The following MFSD6 variants were observed in gnomAD, a reference collection of about 807,000 sequenced individuals.
MFSD6 encodes major facilitator superfamily domain-containing protein 6.
A neutral mutation model predicts 56.3 loss-of-function variants in MFSD6; 26 were observed. That is an observed-to-expected ratio of 0.46 (90% CI 0.34 to 0.64). The LOEUF (loss-of-function observed/expected upper bound fraction) is 0.64, where lower values mean the gene tolerates loss of function less well. Ranked by LOEUF, MFSD6 falls within the 30% of genes least tolerant of loss-of-function variation. MFSD6 has a pLI of 0.01. For missense variants in MFSD6, 750 were observed against 986.2 expected (o/e 0.76, Z 3.21); for synonymous variants, 331 against 366.9 (o/e 0.90, Z 1.12).
chr2:190,471,994 C>G lies in MFSD6; in HGVS notation c.1630+2139C>G, dbSNP rs990394296. On this transcript the variant is annotated intron_variant, in intron 4 of 7. Coordinates refer to ENST00000392328, the MANE Select transcript of MFSD6 (RefSeq NM_017694.4). The surrounding 1 kb of genome is among the most constrained non-coding windows in gnomAD (Gnocchi z 4.7). ...CAGGCAAACAGGGTCTGGAGTGGAC[C>G]TCCAGCAAACTCCAACAGACCTGCA... is the stretch of plus-strand genomic sequence containing the variant. 6.6e-6 allele frequency among the ~76,000 whole-genome samples: 1 copy of G among 152,170 alleles called. No homozygotes were observed. Among genetic ancestry groups the G allele is most frequent in the Non-Finnish European group, 1.5e-5 (1 of 68,040 alleles).
intron 3 of MFSD6, among the ~76,000 whole-genome samples, chr2:190,448,623 CAT>C (rs1686667536): frequency 6.6e-6 from 1 of 152,098 alleles, no homozygotes; most frequent in African/African-American, 2.4e-5. Flanking sequence ...AAAAGTTTAG[CAT>C]ATTTTTATGG....
chr2:190,421,494 G>GGGTT (rs1685611619), intron 2 of MFSD6, among the ~76,000 whole-genome samples: 1 of 152,170 alleles, frequency 6.6e-6, no homozygotes, highest in Non-Finnish European at 1.5e-5. Flanking sequence ...ATGTTTACAA[G>GGGTT]GTTACAAACC....
Position 190,489,897 on chromosome 2 carries a change from T to G in MFSD6, c.1891+31T>G. ...TATTTCCATTCTTTCTTAATATTCC[T>G]AACAGTTCAGGCCATGGGAAGTCAA... On this transcript the variant is annotated intron_variant, in intron 6 of 7. Transcript: ENST00000392328. This position sits in a 1 kb window ranked among gnomAD's most constrained non-coding sequence, Gnocchi z 6.6. The G allele has an allele frequency of 6.3e-7, 1 of 1,589,386 alleles. No homozygotes were observed. Among genetic ancestry groups the G allele is most frequent in the Non-Finnish European group, 8.6e-7 (1 of 1,164,480 alleles).
At position 190,485,553 on chromosome 2, in the gene MFSD6, G is replaced by C. The variant is rs1688963012; in HGVS notation, c.1631-3104G>C. On this transcript the variant is annotated intron_variant, in intron 4 of 7. Coordinates refer to ENST00000392328, the MANE Select transcript of MFSD6 (RefSeq NM_017694.4). This position sits in a 1 kb window ranked among gnomAD's most constrained non-coding sequence, Gnocchi z 5.1. The stretch of plus-strand genomic sequence containing the variant: ...CAGTGTGGTTAATGAAAAAAAATCT[G>C]CATATGTGAAAAGAAATGGACTTAG... Among the ~76,000 whole-genome samples, 1 of 151,980 alleles carries C rather than the reference G, an allele frequency of 6.6e-6. No individual in the cohort carries two copies. The highest frequency in any genetic ancestry group is 2.1e-4 in the South Asian group (1 of 4,816).
At chr2:190,473,153 C>T (rs369948326) in intron 4 of MFSD6, among the ~76,000 whole-genome samples, 2 of 152,128 alleles carry the variant, frequency 1.3e-5, no homozygotes, top group South Asian at 2.1e-4. Context: ...TAAAGACCAT[C>T]GAGGCTAGGA....
In MFSD6 at chr2:190,500,252, T is replaced by A; in HGVS notation, c.*34T>A. 1 of 1,610,146 alleles carries A rather than the reference T, an allele frequency of 6.2e-7. No individual in the cohort carries two copies. Among genetic ancestry groups the A allele is most frequent in the Non-Finnish European group, 8.5e-7 (1 of 1,177,250 alleles). ...TGCTCATCTCACACCCTGCATGGAA[T>A]CAGGCTCCTCAGCCAGGACACAGGG... On this transcript the variant is annotated 3_prime_UTR_variant, in exon 8 of 8. Transcript: ENST00000392328. This position sits in a 1 kb window ranked among gnomAD's most constrained non-coding sequence, Gnocchi z 5.3.
rs1397097779 is a variant in MFSD6, at chr2:190,465,860, G to A, written c.1533-3898G>A. Among the ~76,000 whole-genome samples the A allele has an allele frequency of 1.3e-5, 2 of 152,136 alleles. No homozygotes were observed. Among genetic ancestry groups the A allele is most frequent in the African/African-American group, 4.8e-5 (2 of 41,412 alleles). On this transcript the variant is annotated intron_variant, in intron 3 of 7. Transcript: ENST00000392328. This position sits in a 1 kb window ranked among gnomAD's most constrained non-coding sequence, Gnocchi z 4.6. ...ATACAAAAATTAGCCGGGCCTGGTA[G>A]CATGCACCTGTAATCTCAGCTACTT...
At chr2:190,450,488 CTTTTTTTTTT>C (rs10665730) in intron 3 of MFSD6, among the ~76,000 whole-genome samples, 3 of 97,254 alleles carry the variant, frequency 3.1e-5, no homozygotes, top group South Asian at 7.8e-4. Flanking sequence ...TCTCTTTTTC[CTTTTTTTTTT>C]TTTTTTTTTT....
chr2:190,495,777 A>G lies in MFSD6; in HGVS notation c.1892-1662A>G, dbSNP rs1040616676. On this transcript the variant is annotated intron_variant, in intron 6 of 7. Transcript: ENST00000392328. The surrounding 1 kb of genome is among the most constrained non-coding windows in gnomAD (Gnocchi z 4.7). Reference sequence around the variant, plus strand: ...CTATTCAACAAATGGTGCTGGGATAATTGGCAAGCCACATGTAGGAGAATG... The same window carrying G: ...CTATTCAACAAATGGTGCTGGGATAGTTGGCAAGCCACATGTAGGAGAATG... Among the ~76,000 whole-genome samples, 6 of 152,232 alleles carry G rather than the reference A, an allele frequency of 3.9e-5. No homozygotes were observed. Among genetic ancestry groups the G allele is most frequent in the African/African-American group, 1.4e-4 (6 of 41,470 alleles).
intron 2 of MFSD6, among the ~76,000 whole-genome samples, chr2:190,420,484 T>C (rs1243173380): frequency 6.6e-6 from 1 of 152,198 alleles, no homozygotes; most frequent in Non-Finnish European, 1.5e-5. Flanking sequence ...GGTTTAGGGC[T>C]TCAACTTATT....
upstream of MFSD6, among the ~76,000 whole-genome samples, chr2:190,408,019 G>C (rs546586383): frequency 6.6e-6 from 1 of 152,254 alleles, no homozygotes; most frequent in South Asian, 2.1e-4. Context: ...CAGTGCTTTC[G>C]CCTCCTCAGC....
chr2:190,496,698 A>G lies in MFSD6; in HGVS notation c.1892-741A>G, dbSNP rs1689708839. Among the ~76,000 whole-genome samples, 1 of 152,132 alleles carries G rather than the reference A, an allele frequency of 6.6e-6. No individual in the cohort carries two copies. Among genetic ancestry groups the G allele is most frequent in the Non-Finnish European group, 1.5e-5 (1 of 68,008 alleles). ...TGTGTGTATATACACACACACACAT[A>G]TACATACATACACAATGGAATACTA... is the stretch of plus-strand genomic sequence containing the variant. On this transcript the variant is annotated intron_variant, in intron 6 of 7. Transcript: ENST00000392328. This position sits in a 1 kb window ranked among gnomAD's most constrained non-coding sequence, Gnocchi z 4.7.
intron 2 of MFSD6, among the ~76,000 whole-genome samples, chr2:190,419,285 T>G (rs1198483623): frequency 6.6e-6 from 1 of 152,232 alleles, no homozygotes; most frequent in Non-Finnish European, 1.5e-5. Flanking sequence ...TACAGTAGTT[T>G]CCCTGTGTCT....
Position 190,494,911 on chromosome 2 carries a change from T to C in MFSD6, c.1892-2528T>C, listed in dbSNP as rs935205893. ...CAACATAATACTGAACAGGGAGAAGTTGGAAGCATTCCCTCTGAAAATTGG... is the reference window on the plus strand; with the variant it reads ...CAACATAATACTGAACAGGGAGAAGCTGGAAGCATTCCCTCTGAAAATTGG... On this transcript the variant is annotated intron_variant, in intron 6 of 7. Transcript: ENST00000392328. This position sits in a 1 kb window ranked among gnomAD's most constrained non-coding sequence, Gnocchi z 5.7. Among the ~76,000 whole-genome samples the C allele has an allele frequency of 2.0e-5, 3 of 152,052 alleles. No homozygotes were observed. The highest frequency in any genetic ancestry group is 4.4e-5 in the Non-Finnish European group (3 of 67,974).
chr2:190,434,401 T>C lies in MFSD6; in HGVS notation c.-53-1576T>C, dbSNP rs1451412101. On this transcript the variant is annotated intron_variant, in intron 2 of 7. Coordinates refer to ENST00000392328, the MANE Select transcript of MFSD6 (RefSeq NM_017694.4). The surrounding 1 kb of genome is among the most constrained non-coding windows in gnomAD (Gnocchi z 4.3). ...ATAAATTTATATAAATGTATATTGC[T>C]AATATCGTATATGAAAAACATTTAT... Among the ~76,000 whole-genome samples the C allele has an allele frequency of 6.6e-6, 1 of 152,158 alleles. No individual in the cohort carries two copies.
chr2:190,468,530 G>C (rs1340030820), intron 3 of MFSD6, among the ~76,000 whole-genome samples: 1 of 151,570 alleles, frequency 6.6e-6, no homozygotes, highest in Non-Finnish European at 1.5e-5. Flanking sequence ...ATGGCTCAGG[G>C]CAGCCTAGAC....
Position 190,488,596 on chromosome 2 carries a change from A to G in MFSD6, c.1631-61A>G, listed in dbSNP as rs951976337. The G allele has an allele frequency of 1.0e-5, 14 of 1,345,884 alleles. No homozygotes were observed. The highest frequency in any genetic ancestry group is 1.5e-5 in the African/African-American group (1 of 66,696). The allele number at this position is 1,345,884 out of a possible 1,614,324, so 83.4% of individuals were successfully genotyped here. ...TGCCTAGTTAAATAATTCACATTTC[A>G]AAACAGAGTAGCCTAAGAAATGCTA... On this transcript the variant is annotated intron_variant, in intron 4 of 7. Transcript: ENST00000392328. This position sits in a 1 kb window ranked among gnomAD's most constrained non-coding sequence, Gnocchi z 6.4.
Position 190,437,616 on chromosome 2 carries a change from G to A in MFSD6, c.1532+55G>A. ...CAGCAATTGAACTTTATCTTTTTAT[G>A]GTTTATAGCTCCTTCTACTACAATT... On this transcript the variant is annotated intron_variant, in intron 3 of 7. Transcript: ENST00000392328. This position sits in a 1 kb window ranked among gnomAD's most constrained non-coding sequence, Gnocchi z 5.9. 5 of 1,542,614 alleles carry A rather than the reference G, an allele frequency of 3.2e-6. No individual in the cohort carries two copies. The Admixed American group carries it at 9.6e-5, about 30-fold the overall frequency.
At chr2:190,435,820 T>C in intron 2 of MFSD6, 157 bp from the exon 3 acceptor site, 2 of 610,998 alleles carry the variant, frequency 3.3e-6, no homozygotes, top group East Asian at 6.0e-5. Flanking sequence ...CTATTTTTCC[T>C]TACCGGTATT....
Sources: allele counts gnomAD v4.1 joint callset (sites outside exome capture counted in the v4.1 genomes callset), GRCh38; gene constraint gnomAD v4.1.1; non-coding constraint Gnocchi (gnomAD v3.1); transcripts MANE v1.5; gene names NCBI Gene and HGNC (gene_info 2026-07-23, HGNC 2026-07-21).